The following PSD3 variants were observed in gnomAD, a reference collection of about 807,000 sequenced individuals.
PSD3 encodes the protein PH and SEC7 domain-containing protein 3.
In PSD3, 49 loss-of-function variants were observed where a neutral mutation model predicts 105.5. The ratio of observed to expected loss-of-function variants is 0.46; its 90% CI spans 0.37 to 0.59. The LOEUF (loss-of-function observed/expected upper bound fraction) is 0.59. Among genes scored for constraint, PSD3 ranks in the 20% least tolerant of loss-of-function variants. The pLI is 0.00. For missense variants in PSD3, 1,561 were observed against 1,263.8 expected, an observed-to-expected ratio of 1.24 and a Z score of -3.57; for synonymous variants, 557 against 457.8, an observed-to-expected ratio of 1.22 and a Z score of -2.77.
At chr8:19,027,232 A>C (rs1409476465) in intron 1 of PSD3, among the ~76,000 whole-genome samples, 3 of 152,058 alleles carry the variant, frequency 2.0e-5, no homozygotes, top group Non-Finnish European at 1.5e-5. Flanking sequence ...CAAAAAAGAA[A>C]AAGAAAAAGA....
At chr8:18,559,276 G>C (rs191031951) in intron 14 of PSD3, among the ~76,000 whole-genome samples, 1 of 152,274 alleles carries the variant, frequency 6.6e-6, no homozygotes, top group Admixed American at 6.5e-5. Flanking sequence ...TTGTCAAAAT[G>C]TGATGTTATT....
chr8:18,574,977 T>G (rs1020745304), intron 13 of PSD3, 151 bp downstream of exon 13: 1 of 736,682 alleles, frequency 1.4e-6, no homozygotes, highest in African/African-American at 1.8e-5. Context: ...TACTCTAATC[T>G]TCTTAGGCAG....
intron 10 of PSD3, 54 bp downstream of exon 10, chr8:18,655,588 G>A: frequency 1.3e-6 from 2 of 1,513,012 alleles, no homozygotes; most frequent in African/African-American, 1.4e-5. Context: ...CATAAAGACA[G>A]TAGGAAAAAA....
At chr8:18,806,657 G>A (rs1384274299) in intron 4 of PSD3, among the ~76,000 whole-genome samples, 1 of 152,110 alleles carries the variant, frequency 6.6e-6, no homozygotes, top group Non-Finnish European at 1.5e-5. Flanking sequence ...CTGCTTTGTT[G>A]TTGTTGTTTT....
At chr8:18,870,233 C>T (rs565633644) in intron 3 of PSD3, among the ~76,000 whole-genome samples, 1 of 152,144 alleles carries the variant, frequency 6.6e-6, no homozygotes, top group Admixed American at 6.5e-5. Flanking sequence ...CACAGATGCT[C>T]TCCCGTATAA....
chr8:18,758,109 A>AAC (rs1204548284), intron 9 of PSD3, among the ~76,000 whole-genome samples: 1 of 152,212 alleles, frequency 6.6e-6, no homozygotes, highest in Non-Finnish European at 1.5e-5. Flanking sequence ...CTCCAATGGT[A>AAC]ACATCTGCAA....
chr8:18,696,919 G>C (rs1453140565), intron 9 of PSD3, among the ~76,000 whole-genome samples: 1 of 152,132 alleles, frequency 6.6e-6, no homozygotes, highest in Non-Finnish European at 1.5e-5. Context: ...GATGCATCTT[G>C]TTTGCCCCAT....
intron 10 of PSD3, among the ~76,000 whole-genome samples, chr8:18,645,502 G>C (rs900682862): frequency 3.9e-5 from 6 of 152,158 alleles, no homozygotes; most frequent in Admixed American, 2.6e-4. Flanking sequence ...AATATAAATA[G>C]AACAATCAAA....
chr8:18,544,808 C>G lies in PSD3; in HGVS notation c.2929-8850G>C, dbSNP rs188833960. ...CGCCCCAGGAAGCTCTCATAGGAAT[C>G]TGCTCTTGACTGTGGACTCAGCTCT... On this transcript the variant is annotated intron_variant, in intron 15 of 15. Transcript: ENST00000327040. Among the ~76,000 whole-genome samples, 517 of 152,292 alleles carry G rather than the reference C, an allele frequency of 3.4e-3. 4 individuals are homozygous for G. The highest frequency in any genetic ancestry group is 0.012 in the African/African-American group (498 of 41,554).
In PSD3 at chr8:18,693,186, T is replaced by C. The variant is rs142514739; in HGVS notation, c.2173-37501A>G. Reference sequence around the variant, plus strand: ...TGTACTGCTGCTACCCCTCAATGAGTAGGGATTCTATGAATCAGACCAGCT... The same window carrying C: ...TGTACTGCTGCTACCCCTCAATGAGCAGGGATTCTATGAATCAGACCAGCT... On this transcript the variant is annotated intron_variant, in intron 9 of 15. Transcript: ENST00000327040. Among the ~76,000 whole-genome samples the C allele has an allele frequency of 2.0e-4, 30 of 152,244 alleles. 1 individual carries two copies. The East Asian group carries it at 5.8e-3, about 29-fold the overall frequency.
intron 1 of PSD3, among the ~76,000 whole-genome samples, chr8:18,965,574 CA>C (rs1477549272): frequency 2.0e-5 from 3 of 152,164 alleles, no homozygotes; most frequent in Non-Finnish European, 2.9e-5. Context: ...ACAATGCTCT[CA>C]AAAATTACAG....
chr8:19,013,631 C>A lies in PSD3; in HGVS notation c.-48G>T, dbSNP rs1827061232. The A allele has an allele frequency of 1.0e-5, 14 of 1,336,392 alleles. No homozygotes were observed. The highest frequency in any genetic ancestry group is 1.3e-5 in the Non-Finnish European group (14 of 1,051,680). 82.8% of individuals were successfully genotyped at this position (1,336,392 alleles called of 1,614,324 possible). ...GCGCCGAAACCGCCGCCGGGCGCTC[C>A]GGGGCCGCAGCCTCAGGGCGCGAGT... is the stretch of plus-strand genomic sequence containing the variant. On this transcript the variant is annotated 5_prime_UTR_variant, in exon 1 of 16. Transcript: ENST00000327040.
chr8:18,603,316 A>G (rs1244631540), intron 11 of PSD3, among the ~76,000 whole-genome samples: 1 of 151,940 alleles, frequency 6.6e-6, no homozygotes, highest in East Asian at 1.9e-4. Flanking sequence ...AACAGGCATC[A>G]TTGTTTTTCT....
intron 12 of PSD3, among the ~76,000 whole-genome samples, chr8:18,587,973 TG>T (rs1446661976): frequency 6.6e-6 from 1 of 152,156 alleles, no homozygotes; most frequent in Non-Finnish European, 1.5e-5. Context: ...TAACCAGCAG[TG>T]GGACATTAGT....
chr8:18,777,144 G>A (rs965811199), intron 8 of PSD3, among the ~76,000 whole-genome samples: 1 of 152,164 alleles, frequency 6.6e-6, no homozygotes, highest in South Asian at 2.1e-4. Context: ...CTGGGTTCAA[G>A]CAATTCTTGT....
intron 15 of PSD3, among the ~76,000 whole-genome samples, chr8:18,541,168 A>T (rs1275598207): frequency 6.6e-6 from 1 of 151,676 alleles, no homozygotes; most frequent in Non-Finnish European, 1.5e-5. Context: ...AAAAAAAAAA[A>T]AAAACCTTTT....
chr8:19,063,837 T>C (rs1563539481), intron 1 of PSD3, among the ~76,000 whole-genome samples: 1 of 152,060 alleles, frequency 6.6e-6, no homozygotes, highest in Non-Finnish European at 1.5e-5. Flanking sequence ...AAGCCTTAGA[T>C]ACAGCACAAA....
At chr8:18,540,696 C>T (rs1205527447) in intron 15 of PSD3, among the ~76,000 whole-genome samples, 1 of 152,126 alleles carries the variant, frequency 6.6e-6, no homozygotes, top group Non-Finnish European at 1.5e-5. Flanking sequence ...TCCCTCCTTG[C>T]CCTCCACGTG....
intron 9 of PSD3, among the ~76,000 whole-genome samples, chr8:18,712,454 C>G (rs1289495726): frequency 6.6e-6 from 1 of 152,052 alleles, no homozygotes; most frequent in East Asian, 1.9e-4. Flanking sequence ...CCTGACCCCA[C>G]AGAAATATAA....
Sources: allele counts gnomAD v4.1 joint callset (sites outside exome capture counted in the v4.1 genomes callset), GRCh38; gene constraint gnomAD v4.1.1; transcripts MANE v1.5; gene names NCBI Gene and HGNC (gene_info 2026-07-23, HGNC 2026-07-21).